UEVLD: variants seen among roughly 807,000 people sequenced by gnomAD.
UEVLD encodes the protein ubiquitin-conjugating enzyme E2 variant 3.
In UEVLD, 47 loss-of-function variants were observed where a neutral mutation model predicts 58.6. The observed-to-expected ratio is 0.80, with a 90% CI of 0.63 to 1.02. The LOEUF (loss-of-function observed/expected upper bound fraction) is 1.02, where lower values mean the gene tolerates loss of function less well. Among genes scored for constraint, UEVLD ranks in the 50% least tolerant of loss-of-function variants. The pLI is 0.00. For missense variants in UEVLD, 510 were observed against 550.6 expected, an observed-to-expected ratio of 0.93 and a Z score of 0.74; for synonymous variants, 197 against 195.3, an observed-to-expected ratio of 1.01 and a Z score of -0.07.
chr11:18,531,355 G>C lies in UEVLD; in HGVS notation c.*965C>G, dbSNP rs1332478681. The C allele has an allele frequency of 6.6e-6, 1 of 152,178 alleles. No homozygotes were observed. 9.4% of individuals were successfully genotyped at this position (152,178 alleles called of 1,614,324 possible). On this transcript the variant is annotated 3_prime_UTR_variant, in exon 12 of 12. Transcript: ENST00000396197. ...GTGTTGATGTTAACTGTTACTATTA[G>C]TTGTATGTCACAATAGTAATAATAA...
intron 3 of UEVLD, among the ~76,000 whole-genome samples, chr11:18,574,573 T>C (rs184406711): frequency 1.3e-5 from 2 of 152,350 alleles, no homozygotes; most frequent in Non-Finnish European, 2.9e-5. Context: ...AGGTTAGTCC[T>C]TGATGAACAC....
chr11:18,563,822 T>C (rs776105158), intron 6 of UEVLD: 40 of 320,952 alleles, frequency 1.2e-4, no homozygotes, highest in Non-Finnish European at 1.8e-4. Context: ...CTGGCCAACA[T>C]GGCAAAACCC....
rs549555100 is a variant in UEVLD at position 18,586,289 on chromosome 11, A to T, written c.42+2324T>A. On this transcript the variant is annotated intron_variant, in intron 1 of 11. Transcript: ENST00000396197. ...GAGTGCAGTGGCACGATCTTGGGCC[A>T]CTGTAACCTCCACCTCCCAGGTTCA... Among the ~76,000 whole-genome samples the T allele has an allele frequency of 3.3e-5, 5 of 151,798 alleles. No homozygotes were observed. In the East Asian group the frequency reaches 5.8e-4, roughly 18 times the overall value.
Position 18,564,918 on chromosome 11 carries a change from C to T in UEVLD, c.586G>A (p.Ala196Thr). The T allele has an allele frequency of 6.2e-7, 1 of 1,612,436 alleles. No homozygotes were observed. The highest frequency in any genetic ancestry group is 8.5e-7 in the Non-Finnish European group (1 of 1,179,138). ...TVVGGGELGI[A>T]CTLAISAKGI... ...TTTGCTGAAATTGCTAATGTGCAGG[C>T]AATACCGAGTTCTCCACCTCCAACC... The change falls in exon 6 of 12, where the codon GCC (alanine) becomes ACC (threonine). Residue 196 changes from alanine (A) to threonine (T), a missense_variant. Coordinates refer to ENST00000396197, the MANE Select transcript of UEVLD (RefSeq NM_001040697.4).
chr11:18,581,046 C>T (rs1204162243), intron 1 of UEVLD, among the ~76,000 whole-genome samples: 2 of 151,812 alleles, frequency 1.3e-5, no homozygotes, highest in Admixed American at 6.6e-5. Context: ...ACTATAATCC[C>T]AGCTACTTGC....
chr11:18,568,145 C>T (rs1852391626), intron 4 of UEVLD, among the ~76,000 whole-genome samples: 1 of 151,632 alleles, frequency 6.6e-6, no homozygotes, highest in South Asian at 2.1e-4. Flanking sequence ...TACCCTGTCT[C>T]AAAAAAAGAG....
chr11:18,553,618 A>G (rs984858659), intron 7 of UEVLD, among the ~76,000 whole-genome samples: 16 of 152,242 alleles, frequency 1.1e-4, no homozygotes, highest in African/African-American at 3.9e-4. Flanking sequence ...CCCGATGTCC[A>G]TTAACTGATA....
intron 3 of UEVLD, among the ~76,000 whole-genome samples, chr11:18,573,000 A>G (rs1163577621): frequency 1.3e-5 from 2 of 152,186 alleles, no homozygotes; most frequent in Admixed American, 6.5e-5. Context: ...CCTTCTGATC[A>G]GCAGGAAATA....
rs1414738145 is a variant in UEVLD, at chr11:18,578,221, CCA to C, written c.127+501_127+502del. On this transcript the variant is annotated intron_variant, in intron 2 of 11. Transcript: ENST00000396197. ...GGTCCTTAAAAGCAGAGAATCTTTC[CCA>C]GCTGTGGTCAGAGGGCGATTTGACT... 6.6e-5 allele frequency among the ~76,000 whole-genome samples: 10 copies of C among 152,218 alleles called. No homozygotes were observed. The East Asian group carries it at 1.5e-3, about 23-fold the overall frequency.
At chr11:18,554,767 CTG>C (rs1851686820) in intron 7 of UEVLD, among the ~76,000 whole-genome samples, 1 of 152,030 alleles carries the variant, frequency 6.6e-6, no homozygotes, top group East Asian at 1.9e-4. Context: ...ATGTATGTAT[CTG>C]TATGTAAATT....
chr11:18,544,884 T>C, intron 8 of UEVLD, 88 bp from the exon 9 acceptor site: 1 of 991,888 alleles, frequency 1.0e-6, no homozygotes, highest in Non-Finnish European at 1.4e-6. Context: ...TTTTAATAAG[T>C]ATATTAGGTC....
At chr11:18,546,155 C>T (rs142456160) in intron 8 of UEVLD, among the ~76,000 whole-genome samples, 9 of 152,250 alleles carry the variant, frequency 5.9e-5, no homozygotes, top group South Asian at 2.1e-4. Flanking sequence ...TTTTTGAGTA[C>T]GACAGTTCCA....
At position 18,570,287 on chromosome 11, in the gene UEVLD, A is replaced by G. The variant is rs368819463; in HGVS notation, c.284T>C (p.Met95Thr). 4 of 1,600,606 alleles carry G rather than the reference A, an allele frequency of 2.5e-6. No homozygotes were observed. Among genetic ancestry groups the G allele is most frequent in the Middle Eastern group, 1.7e-4 (1 of 6,018 alleles). Residue 95 changes from methionine (M) to threonine (T), a missense_variant, in exon 4 of 12, where the codon ATG becomes ACG. Coordinates refer to ENST00000396197, the MANE Select transcript of UEVLD (RefSeq NM_001040697.4). ...CACATGTTTTCCGACTAAGATTCCC[A>G]TATTTGCAGTTGGCTTCAAGAAGCA... Reference protein sequence around the residue: ...PICFLKPTANMGILVGKHVDA... With the variant: ...PICFLKPTANTGILVGKHVDA...
At chr11:18,534,254 G>A in intron 11 of UEVLD, 76 bp downstream of exon 11, 2 of 1,153,964 alleles carry the variant, frequency 1.7e-6, no homozygotes, top group Non-Finnish European at 2.3e-6. Context: ...GTTAGAGTAT[G>A]AATAATGATT....
intron 1 of UEVLD, among the ~76,000 whole-genome samples, chr11:18,579,201 G>A (rs1214835987): frequency 6.6e-6 from 1 of 152,114 alleles, no homozygotes; most frequent in Non-Finnish European, 1.5e-5. Context: ...TTACGGTGTG[G>A]TAGGCCCTGA....
At chr11:18,569,191 G>A (rs986759779) in intron 4 of UEVLD, among the ~76,000 whole-genome samples, 13 of 152,048 alleles carry the variant, frequency 8.5e-5, no homozygotes, top group African/African-American at 2.9e-4. Context: ...ACTGCACCTG[G>A]CCTCATATAA....
Position 18,532,212 on chromosome 11 carries a change from T to C in UEVLD, c.*108A>G, listed in dbSNP as rs1397361002. 1 of 1,080,802 alleles carries C rather than the reference T, an allele frequency of 9.3e-7. No homozygotes were observed. Among genetic ancestry groups the C allele is most frequent in the Non-Finnish European group, 1.3e-6 (1 of 786,344 alleles). 67.0% of individuals were successfully genotyped at this position (1,080,802 alleles called of 1,614,324 possible). A position where few individuals can be genotyped will look rare whatever the true frequency, so the allele number is the denominator to read the frequency against. ...AACCCTCTACTTTAACCAAGCAGTT[T>C]GTAAAAGTAAGTAGCAGGATACAGA... On this transcript the variant is annotated 3_prime_UTR_variant, in exon 12 of 12. Transcript: ENST00000396197.
chr11:18,551,489 T>A (rs1405015866), intron 7 of UEVLD, among the ~76,000 whole-genome samples: 1 of 149,940 alleles, frequency 6.7e-6, no homozygotes, highest in East Asian at 2.0e-4. Flanking sequence ...AACAAACCCC[T>A]ACTAAGGTCC....
chr11:18,575,488 A>C (rs1294660796), intron 2 of UEVLD, 76 bp from the exon 3 acceptor site: 1 of 1,412,208 alleles, frequency 7.1e-7, no homozygotes, highest in Non-Finnish European at 9.8e-7. Flanking sequence ...GTAAGTGTGC[A>C]CATGTGTGTG....
Sources: allele counts gnomAD v4.1 joint callset (sites outside exome capture counted in the v4.1 genomes callset), GRCh38; gene constraint gnomAD v4.1.1; transcripts MANE v1.5; gene names NCBI Gene and HGNC (gene_info 2026-07-23, HGNC 2026-07-21).